Variants in BDP1 observed in about 807,000 individuals in gnomAD.
BDP1 encodes the protein BDP1 general transcription factor IIIB subunit, also known as transcription factor TFIIIB component B'' homolog.
BDP1 carries 169 observed loss-of-function variants against 266.6 expected under a neutral mutation model. The ratio of observed to expected loss-of-function variants is 0.63; its 90% CI spans 0.56 to 0.72. The LOEUF (loss-of-function observed/expected upper bound fraction) is 0.72. Among genes scored for constraint, BDP1 ranks in the 30% least tolerant of loss-of-function variants. The pLI is 0.00. For synonymous variants in BDP1, 1,090 were observed against 1,022.4 expected (o/e 1.07, Z -1.26); for missense variants, 3,015 against 3,053.8 (o/e 0.99, Z 0.30).
At chr5:71,550,208 A>G (rs1280454896) in intron 34 of BDP1, among the ~76,000 whole-genome samples, 11 of 152,218 alleles carry the variant, frequency 7.2e-5, no homozygotes, top group African/African-American at 2.7e-4. Flanking sequence ...CAACATGGCG[A>G]AACTCCATCA....
chr5:71,517,013 G>T (rs1323448035), intron 21 of BDP1, among the ~76,000 whole-genome samples: 2 of 151,974 alleles, frequency 1.3e-5, no homozygotes, highest in Non-Finnish European at 2.9e-5. Context: ...TCTGAACTAG[G>T]CATCCTTGTT....
intron 6 of BDP1, among the ~76,000 whole-genome samples, chr5:71,469,516 C>T (rs1388770287): frequency 6.6e-6 from 1 of 152,160 alleles, no homozygotes; most frequent in Non-Finnish European, 1.5e-5. Flanking sequence ...TAACCCTATC[C>T]TGAGTATGAC....
chr5:71,514,996 A>G lies in BDP1; in HGVS notation c.4523A>G (p.Asn1508Ser), dbSNP rs769384007. 5.6e-6 allele frequency: 9 copies of G among 1,612,740 alleles called. No individual in the cohort carries two copies. Among genetic ancestry groups the G allele is most frequent in the Non-Finnish European group, 6.8e-6 (8 of 1,179,520 alleles). Residue 1508 changes from asparagine to serine, a missense_variant, in exon 20 of 39, where the codon AAT becomes AGT. Physicochemically the swap from Asn to Ser is conservative, Grantham distance 46 (BLOSUM62 1). This residue lies in a region of BDP1 where 2,383 missense variants were observed against 2,404.9 expected (regional missense o/e 0.99). Coordinates refer to ENST00000358731, the MANE Select transcript of BDP1 (RefSeq NM_018429.3). ...SREKDTLGHR[N>S]EEAVILPCTQ... Reference sequence around the variant, plus strand: ...GAAAAAGACACATTAGGTCACAGGAATGAGGAGGCTGTGATATTGCCATGT... The same window carrying G: ...GAAAAAGACACATTAGGTCACAGGAGTGAGGAGGCTGTGATATTGCCATGT...
At chr5:71,543,123 G>A (rs1332383829) in intron 30 of BDP1, among the ~76,000 whole-genome samples, 1 of 152,022 alleles carries the variant, frequency 6.6e-6, no homozygotes, top group African/African-American at 2.4e-5. Flanking sequence ...CTCTACAAAA[G>A]TACAAAAATT....
At position 71,545,078 on chromosome 5, in the gene BDP1, G is replaced by C. The variant is rs754110715; in HGVS notation, c.6603G>C (p.Met2201Ile). 1 of 1,613,628 alleles carries C rather than the reference G, an allele frequency of 6.2e-7. No individual in the cohort carries two copies. The highest frequency in any genetic ancestry group is 1.1e-5 in the South Asian group (1 of 91,052). ...NQEESSQEVHMLSVAPVASSE... is the reference protein window; with the variant it reads ...NQEESSQEVHILSVAPVASSE... ...AAGAGAGCTCTCAGGAGGTTCACAT[G>C]TTGTCAGTTGCTCCAGTTGCTTCCT... The change falls in exon 32 of 39, where the codon ATG (methionine) becomes ATC (isoleucine). Residue 2201 changes from methionine (M) to isoleucine (I), a missense_variant. Physicochemically the swap from Met to Ile is conservative, Grantham distance 10. This residue lies in a region of BDP1 where 629 missense variants were observed against 632.5 expected (regional missense o/e 0.99). Coordinates refer to ENST00000358731, the MANE Select transcript of BDP1 (RefSeq NM_018429.3).
At chr5:71,499,688 A>G (rs977299845) in intron 13 of BDP1, among the ~76,000 whole-genome samples, 1 of 152,134 alleles carries the variant, frequency 6.6e-6, no homozygotes, top group Non-Finnish European at 1.5e-5. Flanking sequence ...TTTGGGTCCA[A>G]TTGATCTTTT....
chr5:71,477,015 T>C (rs1472302638), intron 7 of BDP1, among the ~76,000 whole-genome samples: 1 of 151,952 alleles, frequency 6.6e-6, no homozygotes, highest in African/African-American at 2.4e-5. Flanking sequence ...CCCCACCTTT[T>C]TTTTTTTTTA....
chr5:71,535,312 C>T (rs975476032), intron 26 of BDP1, among the ~76,000 whole-genome samples: 3 of 151,824 alleles, frequency 2.0e-5, no homozygotes, highest in Admixed American at 2.0e-4. Context: ...TCAAGTGATT[C>T]TCCTGCCTCA....
chr5:71,469,090 T>C (rs1762081905), intron 6 of BDP1, among the ~76,000 whole-genome samples: 1 of 152,186 alleles, frequency 6.6e-6, no homozygotes, highest in Non-Finnish European at 1.5e-5. Flanking sequence ...GATTCTATAC[T>C]TCCCTTCTTT....
At chr5:71,535,158 C>T (rs961692582) in intron 26 of BDP1, among the ~76,000 whole-genome samples, 7 of 151,810 alleles carry the variant, frequency 4.6e-5, no homozygotes, top group Non-Finnish European at 7.4e-5. Flanking sequence ...TGCTCCTCGA[C>T]TTATGAGGAG....
chr5:71,497,976 G>A (rs550571459), intron 13 of BDP1, among the ~76,000 whole-genome samples: 95 of 150,564 alleles, frequency 6.3e-4, no homozygotes, highest in African/African-American at 2.2e-3. Flanking sequence ...TTTTTGAGAC[G>A]GAGTCTCACT....
chr5:71,455,778 G>T lies in BDP1; in HGVS notation c.-100G>T. 1 of 1,007,656 alleles carries T rather than the reference G, an allele frequency of 9.9e-7. No homozygotes were observed. Among genetic ancestry groups the T allele is most frequent in the Non-Finnish European group, 1.4e-6 (1 of 691,256 alleles). The allele number at this position is 1,007,656 out of a possible 1,614,324, so 62.4% of individuals were successfully genotyped here. A position where few individuals can be genotyped will look rare whatever the true frequency, so the allele number is the denominator to read the frequency against. On this transcript the variant is annotated 5_prime_UTR_variant, in exon 1 of 39. Transcript: ENST00000358731. ...CCCCCTGAGCTGGTGGTGTGGCTTT[G>T]TGGGGAGGGCGTAGTTCCTAATCCC...
At chr5:71,497,615 G>A (rs1190392018) in intron 13 of BDP1, among the ~76,000 whole-genome samples, 189 bp downstream of exon 13, 1 of 152,040 alleles carries the variant, frequency 6.6e-6, no homozygotes, top group African/African-American at 2.4e-5. Flanking sequence ...TTTAACCTGG[G>A]ATGTAATCAT....
intron 7 of BDP1, among the ~76,000 whole-genome samples, chr5:71,472,375 C>T (rs553988706): frequency 2.6e-4 from 39 of 152,290 alleles, no homozygotes; most frequent in East Asian, 9.7e-4. Flanking sequence ...GAAGGAGAAT[C>T]GCCTGAACCC....
intron 32 of BDP1, among the ~76,000 whole-genome samples, chr5:71,547,544 A>G (rs956326969): frequency 2.0e-5 from 3 of 152,212 alleles, no homozygotes; most frequent in Admixed American, 2.0e-4. Context: ...CTGTATTAGT[A>G]ACTTGTCAAA....
rs1182703209 is a variant in BDP1, at chr5:71,545,084, A to T, written c.6609A>T (p.Ser2203=). Residue 2203 remains serine, a synonymous_variant, in exon 32 of 39, where the codon TCA becomes TCT. Transcript: ENST00000358731. Reference sequence around the variant, plus strand: ...GCTCTCAGGAGGTTCACATGTTGTCAGTTGCTCCAGTTGCTTCCTCTGAGA... The same window carrying T: ...GCTCTCAGGAGGTTCACATGTTGTCTGTTGCTCCAGTTGCTTCCTCTGAGA... The part of the protein sequence containing the change: ...EESSQEVHML[S]VAPVASSETG... 1.2e-6 allele frequency: 2 copies of T among 1,613,514 alleles called. No homozygotes were observed. Among genetic ancestry groups the T allele is most frequent in the African/African-American group, 2.7e-5 (2 of 74,842 alleles).
At chr5:71,541,091 A>G (rs1281144816) in intron 28 of BDP1, among the ~76,000 whole-genome samples, 2 of 151,780 alleles carry the variant, frequency 1.3e-5, no homozygotes, top group East Asian at 3.9e-4. Flanking sequence ...TAAAGTACAT[A>G]TAGAACATAA....
At chr5:71,525,608 C>T (rs1411334349) in intron 25 of BDP1, among the ~76,000 whole-genome samples, 93 of 79,762 alleles carry the variant, frequency 1.2e-3, no homozygotes, top group East Asian at 1.9e-3. Context: ...CAACCTCCTT[C>T]CCGGACGGGG....
In BDP1 at chr5:71,539,637, G is replaced by C; in HGVS notation, c.6010G>C (p.Glu2004Gln). 5.0e-6 allele frequency: 8 copies of C among 1,607,816 alleles called. No individual in the cohort carries two copies. Among genetic ancestry groups the C allele is most frequent in the Non-Finnish European group, 6.8e-6 (8 of 1,175,984 alleles). Residue 2004 changes from glutamate (E) to glutamine (Q), a missense_variant, in exon 28 of 39, where the codon GAA (glutamate) becomes CAA (glutamine). Physicochemically the swap from Glu to Gln is conservative, Grantham distance 29. Transcript: ENST00000358731. ...AGTATTGCAGTCAGAGATCAGTAGT[G>C]AACAGGGTGATGGTAAGAATGAAAG... is the stretch of plus-strand genomic sequence containing the variant. ...DLVLQSEISSEQGDVGVCIIP... is the reference protein window; with the variant it reads ...DLVLQSEISSQQGDVGVCIIP...
Sources: gnomAD v4.1 joint callset for allele counts (sites outside exome capture counted in the v4.1 genomes callset) on GRCh38, gnomAD v4.1.1 for gene constraint, gnomAD v4.1.1 regional missense constraint, MANE v1.5 for transcripts, NCBI Gene and HGNC (gene_info 2026-07-23, HGNC 2026-07-21) for gene names.